Variants in IDO2 observed in about 807,000 individuals in gnomAD.
IDO2 encodes the protein indoleamine 2,3-dioxygenase-like 1 protein.
IDO2 carries 46 observed loss-of-function variants against 45.1 expected under a neutral mutation model. The ratio of observed to expected loss-of-function variants is 1.02; its 90% CI spans 0.80 to 1.30. IDO2 has a LOEUF of 1.30. Ranked by LOEUF, IDO2 falls within the 50% of genes most tolerant of loss-of-function variation. The pLI is 0.00. For synonymous variants in IDO2, 218 were observed against 184.9 expected, an observed-to-expected ratio of 1.18 and a Z score of -1.45; for missense variants, 544 against 491.8, an observed-to-expected ratio of 1.11 and a Z score of -1.00.
chr8:39,955,238 C>G (rs984924113), intron 2 of IDO2, among the ~76,000 whole-genome samples: 1 of 134,136 alleles, frequency 7.5e-6, no homozygotes, highest in African/African-American at 2.7e-5. Context: ...ACAAATATTT[C>G]TTTAATATTT....
exon 4 of IDO2, chr8:39,979,156 C>T (rs752795144): frequency 2.5e-6 from 4 of 1,599,706 alleles, no homozygotes; most frequent in Middle Eastern, 1.7e-4. Flanking sequence ...TGGGTTATGT[C>T]TGGCAGGAAG....
At chr8:39,973,962 A>G (rs1475799101) in intron 3 of IDO2, among the ~76,000 whole-genome samples, 3 of 152,066 alleles carry the variant, frequency 2.0e-5, no homozygotes, top group Non-Finnish European at 4.4e-5. Context: ...CTGGTCTTGA[A>G]TTCCTGACCT....
chr8:39,940,595 A>G (rs893930097), intron 1 of IDO2, among the ~76,000 whole-genome samples: 1 of 152,212 alleles, frequency 6.6e-6, no homozygotes. Flanking sequence ...GAAACATTCA[A>G]AACTCTCTCT....
intron 3 of IDO2, among the ~76,000 whole-genome samples, chr8:39,969,819 G>A (rs1300901661): frequency 6.6e-6 from 1 of 151,348 alleles, no homozygotes; most frequent in Admixed American, 6.6e-5. Flanking sequence ...AGGTTGCAGT[G>A]AGCCTAGATT....
At chr8:40,007,896 A>G (rs550036186) in intron 9 of IDO2, among the ~76,000 whole-genome samples, 1 of 152,090 alleles carries the variant, frequency 6.6e-6, no homozygotes, top group African/African-American at 2.4e-5. Context: ...TTCAAAACTC[A>G]TTTAGGTTGT....
chr8:39,984,943 A>G (rs924894345), intron 5 of IDO2: 3 of 435,040 alleles, frequency 6.9e-6, no homozygotes, highest in Non-Finnish European at 1.4e-5. Context: ...TTATTTATTT[A>G]TTTTCAGAGA....
intron 8 of IDO2, among the ~76,000 whole-genome samples, chr8:40,000,594 C>A (rs1413184658): frequency 6.6e-6 from 1 of 152,112 alleles, no homozygotes; most frequent in East Asian, 1.9e-4. Context: ...TATATAGCAG[C>A]ATTTTGTACA....
chr8:40,015,856 C>G (rs1025543275), exon 11 of IDO2: 11 of 437,370 alleles, frequency 2.5e-5, no homozygotes, highest in Admixed American at 1.9e-4. Flanking sequence ...CATGCAGAAC[C>G]CCCAGAGGAG....
rs534604380 is a variant in IDO2 at position 40,008,006 on chromosome 8, C to T, written c.719+2628C>T. 2.0e-5 allele frequency among the ~76,000 whole-genome samples: 3 copies of T among 146,530 alleles called. 1 individual carries two copies. The highest frequency in any genetic ancestry group is 4.0e-4 in the East Asian group (2 of 5,034). On this transcript the variant is annotated intron_variant, in intron 9 of 10. Coordinates refer to ENST00000502986, the Ensembl canonical transcript of IDO2. ...CAGCTTCTTGAGGCATCCAGTATTC[C>T]TTATCATGTGTTTTTTTTTTTCCAT...
chr8:39,960,905 C>G (rs1470314913), intron 2 of IDO2, among the ~76,000 whole-genome samples: 1 of 152,182 alleles, frequency 6.6e-6, no homozygotes, highest in East Asian at 1.9e-4. Flanking sequence ...GCCTCAGCCT[C>G]CCGAGTAGCT....
chr8:39,985,702 G>T (rs1808412376), intron 6 of IDO2, 180 bp downstream of exon 6: 20 of 602,880 alleles, frequency 3.3e-5, no homozygotes, highest in Non-Finnish European at 5.6e-5. Context: ...ATTTAACAGT[G>T]ATTGCCTCTT....
intron 3 of IDO2, among the ~76,000 whole-genome samples, chr8:39,971,815 CT>C (rs34988083): frequency 1.3e-5 from 2 of 149,640 alleles, no homozygotes; most frequent in Admixed American, 6.7e-5. Context: ...CTTTTCTTTT[CT>C]TTTTTTTTTG....
chr8:39,956,063 T>TTC (rs983648492), intron 2 of IDO2, among the ~76,000 whole-genome samples: 1 of 149,146 alleles, frequency 6.7e-6, no homozygotes, highest in African/African-American at 2.5e-5. Flanking sequence ...AGATGACTTT[T>TTC]TTTTTTTTTT....
At chr8:40,015,666 G>T in exon 11 of IDO2, 1 of 1,232,308 alleles carries the variant, frequency 8.1e-7, no homozygotes, top group South Asian at 1.4e-5. Flanking sequence ...GGAGAATGAG[G>T]GTCAGGGTTC....
intron 3 of IDO2, among the ~76,000 whole-genome samples, chr8:39,971,074 A>G (rs1808172775): frequency 6.6e-6 from 1 of 152,116 alleles, no homozygotes; most frequent in Non-Finnish European, 1.5e-5. Context: ...CAGGACTTTC[A>G]TAGTTAGAAA....
At chr8:39,965,499 AAAAC>A (rs1042047986) in intron 3 of IDO2, among the ~76,000 whole-genome samples, 72 of 147,164 alleles carry the variant, frequency 4.9e-4, no homozygotes, top group Non-Finnish European at 1.5e-4. Context: ...AAAACAAAAC[AAAAC>A]AAACAAACAA....
chr8:39,997,451 G>T (rs765031055), intron 8 of IDO2, among the ~76,000 whole-genome samples: 1 of 152,016 alleles, frequency 6.6e-6, no homozygotes, highest in Non-Finnish European at 1.5e-5. Flanking sequence ...AGGCAGGATC[G>T]CTTGAGCCCA....
chr8:39,955,613 G>A (rs1006463779), intron 2 of IDO2, among the ~76,000 whole-genome samples: 1 of 151,998 alleles, frequency 6.6e-6, no homozygotes, highest in Admixed American at 6.6e-5. Context: ...TGAATACTCT[G>A]ACGATAGCCA....
intron 10 of IDO2, 44 bp from the exon 11 acceptor site, chr8:40,015,203 T>G: frequency 8.8e-7 from 1 of 1,137,016 alleles, no homozygotes; most frequent in South Asian, 1.4e-5. Context: ...CTCTGCTATA[T>G]TTCCATGTGG....
Sources: gnomAD v4.1 joint callset for allele counts (sites outside exome capture counted in the v4.1 genomes callset) on GRCh38, gnomAD v4.1.1 for gene constraint, MANE v1.5 for transcripts, NCBI Gene and HGNC (gene_info 2026-07-23, HGNC 2026-07-21) for gene names.